Variants in DNAH17 observed in about 807,000 individuals in gnomAD.
DNAH17 encodes axonemal beta dynein heavy chain 17.
Under a neutral mutation model 485.6 loss-of-function variants are expected in DNAH17, and 376 were observed. That is an observed-to-expected ratio of 0.77 (90% CI 0.71 to 0.84). DNAH17 has a LOEUF of 0.84. Ranked by LOEUF, DNAH17 falls within the 40% of genes least tolerant of loss-of-function variation. DNAH17 has a pLI of 0.00. For synonymous variants in DNAH17, 3,031 were observed against 2,405.9 expected (o/e 1.26, Z -7.60); for missense variants, 6,370 against 5,839.3 (o/e 1.09, Z -2.96).
In DNAH17 at chr17:78,518,752, T is replaced by C. The variant is rs182105753; in HGVS notation, c.3865-3730A>G. 2.6e-5 allele frequency among the ~76,000 whole-genome samples: 4 copies of C among 152,298 alleles called. No homozygotes were observed. In the East Asian group the frequency reaches 5.8e-4, roughly 22 times the overall value. On this transcript the variant is annotated intron_variant, in intron 25 of 80. Coordinates refer to ENST00000389840, the MANE Select transcript of DNAH17 (RefSeq NM_173628.4). ...CCCAGACAGACTATATCCTGATCCA[T>C]AAAATAAAGCTTAATACATTTAAAA...
chr17:78,553,281 G>GTTTTTTTTTTTTT (rs2091944110), intron 14 of DNAH17, among the ~76,000 whole-genome samples: 1 of 42,092 alleles, frequency 2.4e-5, no homozygotes, highest in Non-Finnish European at 4.3e-5. Context: ...CCAGGTTTTT[G>GTTTTTTTTTTTTT]TGTTTTTTTT....
In DNAH17 at chr17:78,423,796, A is replaced by G. The variant is rs1354779735; in HGVS notation, c.*110T>C. 16 of 1,398,106 alleles carry G rather than the reference A, an allele frequency of 1.1e-5. No homozygotes were observed. In the South Asian group the frequency reaches 2.1e-4, roughly 18 times the overall value. The allele number at this position is 1,398,106 out of a possible 1,614,324, so 86.6% of individuals were successfully genotyped here. On this transcript the variant is annotated 3_prime_UTR_variant, in exon 81 of 81. Transcript: ENST00000389840. ...GTTACAAAGCACCTGATTATTTAAG[A>G]GAACGAAAAACCACCACCAGTTCCT...
intron 74 of DNAH17, among the ~76,000 whole-genome samples, chr17:78,436,526 G>T (rs1278568286): frequency 6.6e-6 from 1 of 152,134 alleles, no homozygotes; most frequent in African/African-American, 2.4e-5. Flanking sequence ...AAATGCTGAG[G>T]TGCCAAAAGG....
At chr17:78,458,509 T>C (rs1679024506) in intron 62 of DNAH17, 56 bp downstream of exon 62, 2 of 1,473,264 alleles carry the variant, frequency 1.4e-6, no homozygotes, top group Non-Finnish European at 1.9e-6. Context: ...TTGTGTGGGC[T>C]TGTCCCTTTC....
At chr17:78,509,873 G>C (rs1222713919) in intron 27 of DNAH17, among the ~76,000 whole-genome samples, 1 of 152,194 alleles carries the variant, frequency 6.6e-6, no homozygotes, top group Non-Finnish European at 1.5e-5. Context: ...GCCGCAAATT[G>C]GGTTTTCTAA....
Position 78,479,134 on chromosome 17 carries a change from C to T in DNAH17, c.7901-18G>A, listed in dbSNP as rs996667432. The T allele has an allele frequency of 5.6e-6, 9 of 1,611,546 alleles. No individual in the cohort carries two copies. In the Admixed American group the frequency reaches 6.7e-5, roughly 12 times the overall value. On this transcript the variant is annotated intron_variant, in intron 50 of 80. Coordinates refer to ENST00000389840, the MANE Select transcript of DNAH17 (RefSeq NM_173628.4). The stretch of plus-strand genomic sequence containing the variant: ...ATGCAAAGCTGTTAGAGGAAAAGGA[C>T]GTGTCAATTCTCATGTACTCTTGAT...
chr17:78,553,720 TTA>T (rs1187464445), intron 14 of DNAH17, among the ~76,000 whole-genome samples: 2 of 152,250 alleles, frequency 1.3e-5, no homozygotes, highest in Non-Finnish European at 2.9e-5. Context: ...GGTTACTGTT[TTA>T]TGTTATAGTA....
intron 24 of DNAH17, among the ~76,000 whole-genome samples, chr17:78,526,330 G>A (rs778934292): frequency 5.3e-5 from 8 of 152,178 alleles, no homozygotes; most frequent in Non-Finnish European, 1.2e-4. Context: ...GAGATTAGGG[G>A]GCGGAGTCAG....
intron 75 of DNAH17, among the ~76,000 whole-genome samples, chr17:78,430,416 G>A (rs1278218134): frequency 6.6e-6 from 1 of 152,190 alleles, no homozygotes; most frequent in Non-Finnish European, 1.5e-5. Flanking sequence ...CCTGAAGTTT[G>A]CAGCTCCTGA....
intron 20 of DNAH17, 45 bp from the exon 21 acceptor site, chr17:78,530,557 AG>A (rs762203740): frequency 7.4e-6 from 11 of 1,496,098 alleles, no homozygotes; most frequent in African/African-American, 4.7e-5. Flanking sequence ...CTGCAAGCCT[AG>A]GGGGGGCGTC....
chr17:78,442,933 C>A (rs75761977), intron 71 of DNAH17, among the ~76,000 whole-genome samples: 60 of 152,332 alleles, frequency 3.9e-4, no homozygotes, highest in Non-Finnish European at 6.5e-4. Context: ...TTATTAGTCA[C>A]GTCTGTTTCA....
At chr17:78,492,491 G>T in intron 42 of DNAH17, 142 bp downstream of exon 42, 1 of 1,175,056 alleles carries the variant, frequency 8.5e-7, no homozygotes, top group Admixed American at 2.4e-5. Context: ...TGTTACCATG[G>T]TGCCACCATT....
At chr17:78,453,855 G>T (rs879870950) in intron 64 of DNAH17, among the ~76,000 whole-genome samples, 5 of 151,660 alleles carry the variant, frequency 3.3e-5, no homozygotes, top group Non-Finnish European at 7.4e-5. Flanking sequence ...ACCCAACTAG[G>T]TTTTTTTTGT....
intron 53 of DNAH17, 51 bp downstream of exon 53, chr17:78,475,618 G>A: frequency 2.5e-6 from 4 of 1,607,400 alleles, no homozygotes; most frequent in Admixed American, 1.7e-5. Flanking sequence ...AACCGGAGAG[G>A]GTGACCCGGT....
intron 77 of DNAH17, among the ~76,000 whole-genome samples, chr17:78,427,368 G>C (rs1474208637): frequency 1.3e-5 from 2 of 152,216 alleles, no homozygotes; most frequent in Non-Finnish European, 2.9e-5. Flanking sequence ...AGGCCACCTG[G>C]CTCGGTGCCT....
Position 78,479,035 on chromosome 17 carries a change from T to C in DNAH17, c.7982A>G (p.Asn2661Ser), listed in dbSNP as rs185973414. 347 of 1,613,850 alleles carry C rather than the reference T, an allele frequency of 2.2e-4. 2 individuals carry two copies. The African/African-American group carries it at 3.4e-3, about 16-fold the overall frequency. ...HYVFNLRDLS[N>S]IFQGLLFSTA... ...CTACAAGAGCAGTACCTGGAAAATA[T>C]TGGAGAGGTCCCTGAGGTTGAAGAC... Residue 2661 changes from asparagine to serine, a missense_variant, in exon 51 of 81, where the codon AAT becomes AGT. Coordinates refer to ENST00000389840, the MANE Select transcript of DNAH17 (RefSeq NM_173628.4).
chr17:78,502,216 A>G (rs1287954748), intron 33 of DNAH17: 1 of 352,114 alleles, frequency 2.8e-6, no homozygotes. Context: ...AGGTTGCATA[A>G]GGGCCCTGCA....
Position 78,532,369 on chromosome 17 carries a change from T to C in DNAH17, c.3114+113A>G, listed in dbSNP as rs1018973872. On this transcript the variant is annotated intron_variant, in intron 20 of 80. Coordinates refer to ENST00000389840, the MANE Select transcript of DNAH17 (RefSeq NM_173628.4). ...TCACCTCCTGATGTTTGCCTTGCCC[T>C]ACCTGGAAACCTGCATCTTAAAACA... 14 of 1,408,056 alleles carry C rather than the reference T, an allele frequency of 9.9e-6. No homozygotes were observed. The Admixed American group carries it at 1.4e-4, about 14-fold the overall frequency. 87.2% of individuals were successfully genotyped at this position (1,408,056 alleles called of 1,614,324 possible). A position where few individuals can be genotyped will look rare whatever the true frequency, so the allele number is the denominator to read the frequency against.
chr17:78,433,963 A>AC (rs2086776378), intron 75 of DNAH17, 66 bp downstream of exon 75: 1 of 1,253,558 alleles, frequency 8.0e-7, no homozygotes, highest in African/African-American at 1.7e-5. Flanking sequence ...GAGGGAGGGA[A>AC]GGAGGGAGGG....
Sources: gnomAD v4.1 joint callset for allele counts (sites outside exome capture counted in the v4.1 genomes callset) on GRCh38, gnomAD v4.1.1 for gene constraint, MANE v1.5 for transcripts, NCBI Gene and HGNC (gene_info 2026-07-23, HGNC 2026-07-21) for gene names.